Variants in LINGO2 observed in about 807,000 individuals in gnomAD.
LINGO2 encodes leucine-rich repeat and immunoglobulin-like domain-containing nogo receptor-interacting protein 2.
Under a neutral mutation model 30.6 loss-of-function variants are expected in LINGO2, and 14 were observed. The ratio of observed to expected loss-of-function variants is 0.46; its 90% CI spans 0.30 to 0.72. The LOEUF (loss-of-function observed/expected upper bound fraction) is 0.72. Among genes scored for constraint, LINGO2 ranks in the 30% least tolerant of loss-of-function variants. The probability of loss-of-function intolerance (pLI) is 0.07; values close to 1 mark genes in which losing one functional copy is unlikely to be tolerated. For synonymous variants in LINGO2, 317 were observed against 288.5 expected, an observed-to-expected ratio of 1.10 and a Z score of -1.00; for missense variants, 729 against 751.7, an observed-to-expected ratio of 0.97 and a Z score of 0.35.
intron 1 of LINGO2, among the ~76,000 whole-genome samples, chr9:28,644,085 G>A (rs764865523): frequency 1.3e-5 from 2 of 152,000 alleles, no homozygotes; most frequent in African/African-American, 2.4e-5. Flanking sequence ...ACTGTTGGTA[G>A]GAGTGTAAAT....
chr9:28,631,144 T>C (rs897068160), intron 1 of LINGO2, among the ~76,000 whole-genome samples: 19 of 152,018 alleles, frequency 1.2e-4, no homozygotes, highest in African/African-American at 1.7e-4. Context: ...TTTATTGCTT[T>C]ATCACTTTAT....
the LINGO2 span, among the ~76,000 whole-genome samples, chr9:29,188,609 G>A: frequency 6.6e-6 from 1 of 152,036 alleles, no homozygotes; most frequent in African/African-American, 2.4e-5. Flanking sequence ...AGACCGGGTC[G>A]TGGCCGGGCA....
At chr9:28,507,762 G>T (rs935176547) in intron 1 of LINGO2, among the ~76,000 whole-genome samples, 4 of 152,080 alleles carry the variant, frequency 2.6e-5, no homozygotes, top group Admixed American at 1.3e-4. Flanking sequence ...AGGCTTTCAT[G>T]TACTACATAA....
At chr9:28,219,812 T>C (rs1820893874) in intron 4 of LINGO2, among the ~76,000 whole-genome samples, 1 of 152,192 alleles carries the variant, frequency 6.6e-6, no homozygotes, top group South Asian at 2.1e-4. Flanking sequence ...TGTGAAATGC[T>C]ACATACTATG....
intron 1 of LINGO2, among the ~76,000 whole-genome samples, chr9:28,506,047 CAAT>C (rs1820097232): frequency 6.6e-6 from 1 of 151,750 alleles, no homozygotes; most frequent in Non-Finnish European, 1.5e-5. Flanking sequence ...CTCCCTTCAT[CAAT>C]AATAACAATA....
intron 1 of LINGO2, among the ~76,000 whole-genome samples, chr9:28,624,416 A>C (rs913094176): frequency 6.7e-6 from 1 of 149,670 alleles, no homozygotes; most frequent in Non-Finnish European, 1.5e-5. Context: ...AGTGTTCAGC[A>C]TTAATTGATC....
chr9:28,883,911 C>T, the LINGO2 span, among the ~76,000 whole-genome samples: 3 of 151,076 alleles, frequency 2.0e-5, no homozygotes, highest in African/African-American at 4.9e-5. Flanking sequence ...CTCCTGACCT[C>T]AAGTGATCCA....
intron 2 of LINGO2, among the ~76,000 whole-genome samples, chr9:28,394,393 A>G (rs1325585257): frequency 2.6e-5 from 4 of 152,188 alleles, no homozygotes; most frequent in Non-Finnish European, 5.9e-5. Flanking sequence ...ATCAGATGAC[A>G]GTGAGAAAAG....
chr9:28,537,573 C>T (rs1184394493), intron 1 of LINGO2, among the ~76,000 whole-genome samples: 2 of 151,144 alleles, frequency 1.3e-5, no homozygotes, highest in Non-Finnish European at 2.9e-5. Flanking sequence ...TTTAAAGAGA[C>T]CTAATTTAAA....
At chr9:28,946,474 TC>T in the LINGO2 span, among the ~76,000 whole-genome samples, 3 of 152,102 alleles carry the variant, frequency 2.0e-5, no homozygotes, top group African/African-American at 7.2e-5. Flanking sequence ...ATGGAAATAA[TC>T]AAAAATAGCT....
intron 4 of LINGO2, among the ~76,000 whole-genome samples, chr9:28,295,000 A>C (rs929003159): frequency 6.6e-6 from 1 of 152,188 alleles, no homozygotes; most frequent in Non-Finnish European, 1.5e-5. Flanking sequence ...GTGTATCTTA[A>C]AATAGCTCCT....
chr9:28,055,921 C>A (rs1278459195), intron 4 of LINGO2, among the ~76,000 whole-genome samples: 2 of 152,056 alleles, frequency 1.3e-5, no homozygotes, highest in South Asian at 2.1e-4. Context: ...TTCTCGAGAC[C>A]CTCACTAAGA....
the LINGO2 span, among the ~76,000 whole-genome samples, chr9:28,831,730 G>A: frequency 6.6e-6 from 1 of 152,170 alleles, no homozygotes; most frequent in African/African-American, 2.4e-5. Context: ...AAAAAAGAAA[G>A]CTACAATTTC....
chr9:28,564,439 C>A (rs1038829459), intron 1 of LINGO2, among the ~76,000 whole-genome samples: 1 of 152,020 alleles, frequency 6.6e-6, no homozygotes, highest in Non-Finnish European at 1.5e-5. Flanking sequence ...TTACAGGCAC[C>A]AACCCTACCT....
intron 2 of LINGO2, among the ~76,000 whole-genome samples, chr9:28,395,396 C>T (rs1821998045): frequency 6.6e-6 from 1 of 152,150 alleles, no homozygotes; most frequent in Admixed American, 6.5e-5. Context: ...TCTTTCAATG[C>T]TCACATATTA....
chr9:28,145,660 C>T (rs1172648065), intron 4 of LINGO2, among the ~76,000 whole-genome samples: 1 of 152,008 alleles, frequency 6.6e-6, no homozygotes, highest in Non-Finnish European at 1.5e-5. Flanking sequence ...TCCCTCACTT[C>T]TCTTCCTCCC....
chr9:28,705,688 G>C, the LINGO2 span, among the ~76,000 whole-genome samples: 1 of 152,106 alleles, frequency 6.6e-6, no homozygotes, highest in African/African-American at 2.4e-5. Flanking sequence ...ACTCACAAAA[G>C]TGTGAGGGCC....
At chr9:29,196,526 T>A in the LINGO2 span, among the ~76,000 whole-genome samples, 1 of 151,984 alleles carries the variant, frequency 6.6e-6, no homozygotes, top group African/African-American at 2.4e-5. Flanking sequence ...TGCAAAATGG[T>A]TAGCATGATG....
intron 1 of LINGO2, among the ~76,000 whole-genome samples, chr9:28,669,934 T>G (rs150720923): frequency 9.1e-4 from 138 of 152,142 alleles, no homozygotes; most frequent in African/African-American, 3.2e-3. Context: ...GTATACAGAC[T>G]GTCAGAAACA....
Sources: gnomAD v4.1 joint callset for allele counts (sites outside exome capture counted in the v4.1 genomes callset) on GRCh38, gnomAD v4.1.1 for gene constraint, MANE v1.5 for transcripts, NCBI Gene and HGNC (gene_info 2026-07-23, HGNC 2026-07-21) for gene names.